Variants in MAGI2 observed in about 807,000 individuals in gnomAD.
MAGI2 encodes the protein membrane-associated guanylate kinase, WW and PDZ domain-containing protein 2.
In MAGI2, 35 loss-of-function variants were observed where a neutral mutation model predicts 133.3. The ratio of observed to expected loss-of-function variants is 0.26; its 90% CI spans 0.20 to 0.35. MAGI2 has a LOEUF of 0.35. Ranked by LOEUF, MAGI2 falls within the 10% of genes least tolerant of loss-of-function variation. MAGI2 has a pLI of 1.00. For synonymous variants in MAGI2, 729 were observed against 710.6 expected (o/e 1.03, Z -0.41); for missense variants, 1,636 against 1,863.4 (o/e 0.88, Z 2.25).
intron 2 of MAGI2, among the ~76,000 whole-genome samples, chr7:78,814,404 C>T (rs530070177): frequency 2.0e-5 from 3 of 152,116 alleles, no homozygotes; most frequent in Non-Finnish European, 4.4e-5. Context: ...TAGTCTACAC[C>T]CGTATCTACC....
chr7:79,312,336 G>T (rs890559654), intron 1 of MAGI2, among the ~76,000 whole-genome samples: 1 of 152,120 alleles, frequency 6.6e-6, no homozygotes, highest in Admixed American at 6.6e-5. Context: ...CTCAGTAGGC[G>T]CCAACAACAC....
At chr7:78,564,907 C>T (rs558144142) in intron 3 of MAGI2, among the ~76,000 whole-genome samples, 1 of 145,940 alleles carries the variant, frequency 6.9e-6, no homozygotes, top group South Asian at 2.2e-4. Context: ...CATTCTCCTG[C>T]CTGAGCCTCC....
At chr7:78,198,351 C>T (rs1175792060) in intron 11 of MAGI2, among the ~76,000 whole-genome samples, 1 of 151,478 alleles carries the variant, frequency 6.6e-6, no homozygotes, top group East Asian at 1.9e-4. Flanking sequence ...ACTGAAATAT[C>T]AGTGAGCAGC....
At chr7:78,434,765 T>C (rs1056472787) in intron 6 of MAGI2, among the ~76,000 whole-genome samples, 2 of 151,866 alleles carry the variant, frequency 1.3e-5, no homozygotes, top group African/African-American at 4.8e-5. Context: ...ATTGGGGAAA[T>C]GAATGGAAGT....
intron 6 of MAGI2, among the ~76,000 whole-genome samples, chr7:78,461,814 G>T (rs1039102933): frequency 6.7e-6 from 1 of 150,102 alleles, no homozygotes; most frequent in Non-Finnish European, 1.5e-5. Flanking sequence ...AGGAGGCTGA[G>T]GCAGGAGAAT....
chr7:79,164,461 TC>T (rs1364511922), intron 1 of MAGI2, among the ~76,000 whole-genome samples: 1 of 152,028 alleles, frequency 6.6e-6, no homozygotes, highest in African/African-American at 2.4e-5. Context: ...ATCTTTTTTT[TC>T]CAGGCCCTCC....
chr7:78,118,086 C>T (rs1820056779), intron 20 of MAGI2, among the ~76,000 whole-genome samples: 1 of 152,030 alleles, frequency 6.6e-6, no homozygotes, highest in South Asian at 2.1e-4. Context: ...GGAGCAAAGG[C>T]AATGCAATGA....
At chr7:79,281,504 A>G (rs1376269377) in intron 1 of MAGI2, among the ~76,000 whole-genome samples, 1 of 149,362 alleles carries the variant, frequency 6.7e-6, no homozygotes, top group Admixed American at 6.9e-5. Flanking sequence ...ATTAAAAACA[A>G]AGCCAAAACA....
At chr7:78,862,587 T>A (rs1250273093) in intron 2 of MAGI2, among the ~76,000 whole-genome samples, 1 of 152,170 alleles carries the variant, frequency 6.6e-6, no homozygotes, top group Admixed American at 6.5e-5. Context: ...CCAAAATATA[T>A]CTATTTTCTA....
At chr7:79,133,962 A>T (rs2129545541) in intron 1 of MAGI2, among the ~76,000 whole-genome samples, 1 of 152,256 alleles carries the variant, frequency 6.6e-6, no homozygotes, top group African/African-American at 2.4e-5. Context: ...GAGCCTCACA[A>T]TTTCATCTCT....
At chr7:78,377,425 G>C (rs1794540716) in intron 6 of MAGI2, among the ~76,000 whole-genome samples, 1 of 151,922 alleles carries the variant, frequency 6.6e-6, no homozygotes, top group Non-Finnish European at 1.5e-5. Context: ...TAGCAAACCT[G>C]CTTGATTAGA....
intron 9 of MAGI2, among the ~76,000 whole-genome samples, chr7:78,271,225 T>A (rs1226209641): frequency 6.6e-6 from 1 of 152,200 alleles, no homozygotes; most frequent in Non-Finnish European, 1.5e-5. Context: ...ATTGAGATAA[T>A]CATGTGGTTT....
At position 79,408,041 on chromosome 7, in the gene MAGI2, T is replaced by C. The variant is rs540587163; in HGVS notation, c.301+44979A>G. ...GTTTTCCCATGTAACTTATTTACTT[T>C]GGTACAGCTTCTCTGAGATAGCTAA... On this transcript the variant is annotated intron_variant, in intron 1 of 21. Coordinates refer to ENST00000354212, the MANE Select transcript of MAGI2 (RefSeq NM_012301.4). Among the ~76,000 whole-genome samples the C allele has an allele frequency of 1.8e-4, 27 of 152,270 alleles. 1 individual carries two copies. The South Asian group carries it at 5.6e-3, about 32-fold the overall frequency.
chr7:78,543,877 G>C (rs1170936820), intron 3 of MAGI2, among the ~76,000 whole-genome samples: 1 of 152,188 alleles, frequency 6.6e-6, no homozygotes, highest in Non-Finnish European at 1.5e-5. Context: ...GGAATCCATT[G>C]CCACTAAGGT....
chr7:78,905,923 T>C (rs1292290795), intron 2 of MAGI2, among the ~76,000 whole-genome samples: 2 of 152,110 alleles, frequency 1.3e-5, no homozygotes, highest in African/African-American at 4.8e-5. Context: ...TAAAGAAAAG[T>C]TTGTCTTACC....
intron 2 of MAGI2, among the ~76,000 whole-genome samples, chr7:78,753,610 CAGGAAACTGCAGGA>C (rs1823661719): frequency 6.6e-6 from 1 of 151,852 alleles, no homozygotes; most frequent in South Asian, 2.1e-4. Flanking sequence ...TCCAGTATCT[CAGGAAACTGCAGGA>C]AGAGTTTCTA....
intron 4 of MAGI2, among the ~76,000 whole-genome samples, chr7:78,516,083 A>G (rs67367279): frequency 0.26 from 40,209 of 152,012 alleles, 5,617 homozygotes; most frequent in African/African-American, 0.33. Flanking sequence ...AAAGTCAACA[A>G]GGGATTCCCA....
At chr7:78,214,244 C>T (rs1788051171) in intron 10 of MAGI2, among the ~76,000 whole-genome samples, 1 of 152,198 alleles carries the variant, frequency 6.6e-6, no homozygotes, top group African/African-American at 2.4e-5. Context: ...TTAAATATTA[C>T]ATCTTCTAGC....
chr7:79,073,069 A>G (rs1333677208), intron 1 of MAGI2, among the ~76,000 whole-genome samples: 1 of 152,188 alleles, frequency 6.6e-6, no homozygotes, highest in Non-Finnish European at 1.5e-5. Flanking sequence ...AACAAAGGCT[A>G]AGAGAGATGC....
Sources: gnomAD v4.1 joint callset for allele counts (sites outside exome capture counted in the v4.1 genomes callset) on GRCh38, gnomAD v4.1.1 for gene constraint, MANE v1.5 for transcripts, NCBI Gene and HGNC (gene_info 2026-07-23, HGNC 2026-07-21) for gene names.